ZNF638: variants seen among roughly 807,000 people sequenced by gnomAD.
The protein encoded by ZNF638 is zinc finger protein 638.
ZNF638 carries 46 observed loss-of-function variants against 195.6 expected under a neutral mutation model. The observed-to-expected ratio is 0.24, with a 90% confidence interval of 0.19 to 0.30. ZNF638 has a LOEUF of 0.30. ZNF638 is among the 10% of genes least tolerant of loss of function. The probability of loss-of-function intolerance (pLI) is 1.00; values close to 1 mark genes in which losing one functional copy is unlikely to be tolerated. For missense variants in ZNF638, 2,440 were observed against 2,325.3 expected (o/e 1.05, Z -1.01); for synonymous variants, 845 against 772.0 (o/e 1.09, Z -1.57).
intron 19 of ZNF638, among the ~76,000 whole-genome samples, chr2:71,407,046 CAAA>C (rs2080119758): frequency 6.6e-6 from 1 of 152,032 alleles, no homozygotes; most frequent in African/African-American, 2.4e-5. Flanking sequence ...GCCTCTTAAC[CAAA>C]AATTATTCAT....
At chr2:71,403,759 A>C (rs918453368) in intron 16 of ZNF638, 111 bp from the exon 17 acceptor site, 1 of 692,842 alleles carries the variant, frequency 1.4e-6, no homozygotes, top group Non-Finnish European at 2.3e-6. Context: ...AATATTTACT[A>C]AGTTGTTCAA....
rs749089370 is a variant in ZNF638, at chr2:71,434,784, G to C, written c.5914G>C (p.Ala1972Pro). ...KQRKEKEQNE[A>P]EERSSR ...AAGAAAGGAAAAGGAGCAGAATGAG[G>C]CTGAAGAAAGAAGCTCTAGGTGATT... Residue 1972 changes from alanine (A) to proline (P), a missense_variant, in exon 28 of 28, where the codon GCT becomes CCT. Transcript: ENST00000264447. The C allele has an allele frequency of 8.1e-6, 13 of 1,610,920 alleles. No homozygotes were observed. The Admixed American group carries it at 1.0e-4, about 13-fold the overall frequency.
In ZNF638 at chr2:71,364,243, A is replaced by C. The variant is rs771889112; in HGVS notation, c.1708A>C (p.Arg570=). Residue 570 remains arginine, a synonymous_variant, in exon 5 of 28, where the codon AGA becomes CGA. Coordinates refer to ENST00000264447, the MANE Select transcript of ZNF638 (RefSeq NM_014497.5). ...TGAGAGGATGTCAAGGAGATCAGTG[A>C]GATCATCAGGTACACTGATGGCCAT... ...SPERMSRRSV[R]SSDRKKALED... is the part of the protein sequence containing the mutation. The C allele has an allele frequency of 2.8e-4, 450 of 1,613,424 alleles. No homozygotes were observed. Among genetic ancestry groups the C allele is most frequent in the Admixed American group, 3.7e-4 (22 of 59,964 alleles).
At chr2:71,342,482 C>T (rs543070112) in intron 1 of ZNF638, among the ~76,000 whole-genome samples, 19 of 152,302 alleles carry the variant, frequency 1.2e-4, no homozygotes, top group African/African-American at 4.6e-4. Flanking sequence ...ACTCATTAAG[C>T]ACTTGAGCCT....
At chr2:71,355,074 T>G (rs1056366131) in intron 2 of ZNF638, among the ~76,000 whole-genome samples, 9 of 152,242 alleles carry the variant, frequency 5.9e-5, no homozygotes, top group African/African-American at 2.2e-4. Context: ...GTTCACGCCA[T>G]TCTCCTGCGT....
In ZNF638 at chr2:71,426,926, T is replaced by C; in HGVS notation, c.5057T>C (p.Ile1686Thr). The C allele has an allele frequency of 6.2e-7, 1 of 1,614,068 alleles. No individual in the cohort carries two copies. Among genetic ancestry groups the C allele is most frequent in the Non-Finnish European group, 8.5e-7 (1 of 1,179,974 alleles). The stretch of plus-strand genomic sequence containing the variant: ...GAACGCTTGGTAACTGTGGATGAAA[T>C]TGGAGAAGTGGAAGAGCTACCTTTG... Reference protein sequence around the residue: ...KQERLVTVDEIGEVEELPLNE... With the variant: ...KQERLVTVDETGEVEELPLNE... Residue 1686 changes from isoleucine to threonine, a missense_variant, in exon 24 of 28, where the codon ATT becomes ACT. Around this residue, in one of 5 missense-constraint regions of ZNF638, gnomAD observed 1,883 missense variants for 1,739.1 expected, o/e 1.08. Transcript: ENST00000264447.
At chr2:71,386,030 A>G (rs963326268) in intron 10 of ZNF638, among the ~76,000 whole-genome samples, 2 of 152,202 alleles carry the variant, frequency 1.3e-5, no homozygotes, top group East Asian at 1.9e-4. Context: ...TAAAAAAAGA[A>G]CATATGATCC....
intron 19 of ZNF638, among the ~76,000 whole-genome samples, chr2:71,407,004 ATAAAG>A (rs761998247): frequency 4.6e-5 from 7 of 152,210 alleles, no homozygotes; most frequent in Non-Finnish European, 1.0e-4. Context: ...TGTCTCAAAA[ATAAAG>A]TAATCATTCC....
intron 10 of ZNF638, among the ~76,000 whole-genome samples, chr2:71,393,873 T>TA (rs772238512): frequency 5.3e-5 from 8 of 152,158 alleles, no homozygotes; most frequent in Non-Finnish European, 1.0e-4. Flanking sequence ...AGGTGCCAGG[T>TA]AACACTACAT....
intron 20 of ZNF638, among the ~76,000 whole-genome samples, chr2:71,417,151 T>C (rs796902693): frequency 4.0e-5 from 6 of 150,960 alleles, no homozygotes; most frequent in African/African-American, 9.8e-5. Context: ...TAGGACCCTC[T>C]GAGCCAGGTG....
intron 1 of ZNF638, among the ~76,000 whole-genome samples, chr2:71,335,231 A>T (rs1249643583): frequency 6.6e-6 from 1 of 152,024 alleles, no homozygotes; most frequent in East Asian, 1.9e-4. Context: ...CATAGAGACA[A>T]GGTCTTGCTG....
At chr2:71,376,929 CT>C (rs940476537) in intron 8 of ZNF638, among the ~76,000 whole-genome samples, 1 of 152,104 alleles carries the variant, frequency 6.6e-6, no homozygotes, top group Non-Finnish European at 1.5e-5. Flanking sequence ...AGCAAACATT[CT>C]TTTTTTCCCA....
At chr2:71,394,786 T>C (rs2079859298) in intron 10 of ZNF638, among the ~76,000 whole-genome samples, 1 of 152,190 alleles carries the variant, frequency 6.6e-6, no homozygotes, top group African/African-American at 2.4e-5. Flanking sequence ...TCAGTACAAA[T>C]AGCTGCTTTT....
Position 71,349,042 on chromosome 2 carries a change from C to T in ZNF638, c.88C>T (p.Pro30Ser), listed in dbSNP as rs148746042. The T allele has an allele frequency of 1.9e-6, 3 of 1,614,046 alleles. No homozygotes were observed. The highest frequency in any genetic ancestry group is 2.7e-5 in the African/African-American group (2 of 74,918). ...CCCTTCTGGGATGAGGCCTCCAGGA[C>T]CATTTATGAGGCCTGGATCTATGGG... ...PNPSGMRPPG[P>S]FMRPGSMGLP... Residue 30 changes from proline to serine, a missense_variant, in exon 2 of 28, where the codon CCA becomes TCA. Pro to Ser is a moderately conservative substitution (Grantham distance 74). This residue lies in a region of ZNF638 where 191 missense variants were observed against 173.8 expected (regional missense o/e 1.10). Transcript: ENST00000264447.
intron 27 of ZNF638, 28 bp from the exon 28 acceptor site, chr2:71,434,714 A>T: frequency 6.3e-7 from 1 of 1,586,458 alleles, no homozygotes; most frequent in Non-Finnish European, 8.6e-7. Flanking sequence ...TCTAATAAGT[A>T]TTTTATATTG....
intron 16 of ZNF638, among the ~76,000 whole-genome samples, chr2:71,402,321 A>G (rs2104434497): frequency 6.6e-6 from 1 of 152,256 alleles, no homozygotes; most frequent in East Asian, 1.9e-4. Context: ...GTTCTACTCA[A>G]AATTTTAGTT....
rs897496075 is a variant in ZNF638 at position 71,402,688 on chromosome 2, G to A, written c.2829+601G>A. On this transcript the variant is annotated intron_variant, in intron 16 of 27. Coordinates refer to ENST00000264447, the MANE Select transcript of ZNF638 (RefSeq NM_014497.5). ...TTTTCTATAAGCATCTGTTGGCTTT[G>A]TATTTTTAAAACAACACATTAAAAT... Among the ~76,000 whole-genome samples, 6 of 152,088 alleles carry A rather than the reference G, an allele frequency of 3.9e-5. 1 individual carries two copies. The South Asian group carries it at 1.0e-3, about 26-fold the overall frequency.
rs56111701 is a variant in ZNF638 at position 71,369,282 on chromosome 2, C to T, written c.2143-601C>T. 6.0e-3 allele frequency among the ~76,000 whole-genome samples: 901 copies of T among 149,862 alleles called. 15 individuals carry two copies. The highest frequency in any genetic ancestry group is 0.021 in the African/African-American group (845 of 40,590). ...AGGTTGCAGTGACTAGAGATGGCGC[C>T]GCTGCACTCTAGCCTGGGCAACAGA... On this transcript the variant is annotated intron_variant, in intron 7 of 27. Coordinates refer to ENST00000264447, the MANE Select transcript of ZNF638 (RefSeq NM_014497.5).
intron 10 of ZNF638, among the ~76,000 whole-genome samples, chr2:71,383,560 G>GTTTTTTTT (rs57987492): frequency 1.3e-3 from 154 of 122,120 alleles, no homozygotes; most frequent in African/African-American, 3.1e-3. Flanking sequence ...TTCCTGGGTG[G>GTTTTTTTT]TTTTTTTTTT....
Sources: allele counts gnomAD v4.1 joint callset (sites outside exome capture counted in the v4.1 genomes callset), GRCh38; gene constraint gnomAD v4.1.1; regional missense constraint gnomAD v4.1.1; transcripts MANE v1.5; gene names NCBI Gene and HGNC (gene_info 2026-07-23, HGNC 2026-07-21).